Variants in C5orf63 observed in about 807,000 individuals in gnomAD.
The protein encoded by C5orf63 is chromosome 5 open reading frame 63, also known as glutaredoxin-like protein C5orf63.
A neutral mutation model predicts 13.3 loss-of-function variants in C5orf63; 18 were observed. That is an observed-to-expected ratio of 1.36 (90% CI 0.94 to 2.01). The LOEUF is 2.01. Among genes scored for constraint, C5orf63 ranks in the 30% most tolerant of loss-of-function variants. C5orf63 has a pLI of 0.00. For missense variants in C5orf63, 118 were observed against 127.7 expected (o/e 0.92, Z 0.36); for synonymous variants, 38 against 44.7 (o/e 0.85, Z 0.60).
intron 4 of C5orf63, 71 bp from the exon 5 acceptor site, chr5:127,052,018 G>C (rs1335158228): frequency 8.6e-7 from 1 of 1,162,594 alleles, no homozygotes; most frequent in East Asian, 2.9e-5. Context: ...GTGATAAACT[G>C]ATCCCCAGAC....
chr5:127,043,808 T>G (rs1753458979), downstream of C5orf63: 1 of 152,260 alleles, frequency 6.6e-6, no homozygotes, highest in African/African-American at 2.4e-5. Context: ...GGTCCAGGAT[T>G]AAGTCTTTCT....
chr5:127,056,717 G>A (rs1281903337), intron 3 of C5orf63, among the ~76,000 whole-genome samples: 1 of 152,182 alleles, frequency 6.6e-6, no homozygotes, highest in Non-Finnish European at 1.5e-5. Context: ...CCCTGAGGAT[G>A]CAAAGCTGAA....
intron 3 of C5orf63, 56 bp downstream of exon 3, chr5:127,058,825 CT>C: frequency 8.6e-7 from 1 of 1,159,528 alleles, no homozygotes; most frequent in Non-Finnish European, 1.2e-6. Context: ...AACTTTGTCC[CT>C]TTTTCTTAAA....
At chr5:127,067,563 C>A (rs1268448683) in intron 2 of C5orf63, among the ~76,000 whole-genome samples, 1 of 152,098 alleles carries the variant, frequency 6.6e-6, no homozygotes. Flanking sequence ...TACCTTGGCA[C>A]CAGGTATTGG....
intron 2 of C5orf63, among the ~76,000 whole-genome samples, chr5:127,065,539 G>C (rs1213779567): frequency 1.3e-5 from 2 of 152,160 alleles, no homozygotes; most frequent in South Asian, 2.1e-4. Flanking sequence ...TATCTGATGG[G>C]GGAAACCTTG....
chr5:127,072,168 T>G (rs1466627827), intron 1 of C5orf63: 1 of 152,182 alleles, frequency 6.6e-6, no homozygotes, highest in East Asian at 1.9e-4. Flanking sequence ...AATCTTAATT[T>G]TCACAACAGG....
At chr5:127,058,425 C>A (rs1327080984) in intron 3 of C5orf63, among the ~76,000 whole-genome samples, 1 of 152,072 alleles carries the variant, frequency 6.6e-6, no homozygotes, top group East Asian at 1.9e-4. Context: ...AATAAAGTAT[C>A]TTTAAATAGA....
chr5:127,064,411 A>G (rs1418762783), intron 2 of C5orf63, among the ~76,000 whole-genome samples: 1 of 152,090 alleles, frequency 6.6e-6, no homozygotes, highest in Non-Finnish European at 1.5e-5. Flanking sequence ...GGTAGAGCCA[A>G]CTCAAACAAA....
chr5:127,043,067 G>A (rs1753441455), downstream of C5orf63: 1 of 152,112 alleles, frequency 6.6e-6, no homozygotes, highest in Non-Finnish European at 1.5e-5. Context: ...TATTTCTCTT[G>A]AAGGCATCTG....
downstream of C5orf63, chr5:127,047,678 T>C (rs1753548141): frequency 2.8e-6 from 2 of 703,166 alleles, no homozygotes; most frequent in Non-Finnish European, 5.2e-6. Flanking sequence ...TTTCACTGTT[T>C]AGGATAAAAA....
At chr5:127,051,028 T>A (rs551011352), downstream of C5orf63, among the ~76,000 whole-genome samples, 32 of 152,324 alleles carry the variant, frequency 2.1e-4, no homozygotes, top group African/African-American at 6.7e-4. Context: ...AAAATTTGAC[T>A]TAAAAAAACC....
At chr5:127,070,076 T>A (rs1480642190) in intron 2 of C5orf63, among the ~76,000 whole-genome samples, 2 of 152,178 alleles carry the variant, frequency 1.3e-5, no homozygotes, top group African/African-American at 4.8e-5. Flanking sequence ...CACTTCATTT[T>A]GTATAAGGCT....
intron 4 of C5orf63, 40 bp from the exon 5 acceptor site, chr5:127,051,987 T>C (rs962925094): frequency 7.1e-7 from 1 of 1,399,054 alleles, no homozygotes; most frequent in Admixed American, 2.9e-5. Flanking sequence ...TTTTAGACCA[T>C]GGGGTGATGT....
chr5:127,068,764 C>G (rs1344622462), intron 2 of C5orf63, among the ~76,000 whole-genome samples: 2 of 152,138 alleles, frequency 1.3e-5, no homozygotes, highest in Admixed American at 6.5e-5. Flanking sequence ...GGAGTCTACT[C>G]AGTAATGGGG....
At chr5:127,053,885 A>G (rs915384013) in intron 3 of C5orf63, among the ~76,000 whole-genome samples, 1 of 152,206 alleles carries the variant, frequency 6.6e-6, no homozygotes. Flanking sequence ...ACAGTGTCGC[A>G]ATAAACATAC....
At chr5:127,060,886 T>G (rs1754077863) in intron 2 of C5orf63, among the ~76,000 whole-genome samples, 1 of 152,190 alleles carries the variant, frequency 6.6e-6, no homozygotes, top group Non-Finnish European at 1.5e-5. Flanking sequence ...TATCAAAAAT[T>G]ATTTATGTCC....
At chr5:127,056,248 G>A (rs1017821089) in intron 3 of C5orf63, 2 of 152,306 alleles carry the variant, frequency 1.3e-5, no homozygotes, top group Non-Finnish European at 2.9e-5. Flanking sequence ...TAAGGCTTTT[G>A]CTGGAGTTTC....
downstream of C5orf63, chr5:127,045,018 A>AGT (rs1218730936): frequency 6.6e-6 from 1 of 152,122 alleles, no homozygotes; most frequent in Non-Finnish European, 1.5e-5. Flanking sequence ...GTCGTTTCTT[A>AGT]GTGGGTCAAA....
downstream of C5orf63, chr5:127,046,682 A>G (rs1426680099): frequency 6.6e-6 from 1 of 152,242 alleles, no homozygotes; most frequent in Non-Finnish European, 1.5e-5. Flanking sequence ...CTCCTTCTAT[A>G]GATTTGGTCA....
Sources: allele counts gnomAD v4.1 joint callset (sites outside exome capture counted in the v4.1 genomes callset), GRCh38; gene constraint gnomAD v4.1.1; transcripts MANE v1.5; gene names NCBI Gene and HGNC (gene_info 2026-07-23, HGNC 2026-07-21).